The following ATAD2 variants were observed in gnomAD, a reference collection of about 807,000 sequenced individuals.
The protein encoded by ATAD2 is ATPase family AAA domain-containing protein 2.
In ATAD2, 62 loss-of-function variants were observed where a neutral mutation model predicts 168.9. That is an observed-to-expected ratio of 0.37 (90% CI 0.30 to 0.45). ATAD2 has a LOEUF of 0.45. Ranked by LOEUF, ATAD2 falls within the 20% of genes least tolerant of loss-of-function variation. The pLI is 1.00. For synonymous variants in ATAD2, 613 were observed against 571.6 expected, an observed-to-expected ratio of 1.07 and a Z score of -1.03; for missense variants, 1,419 against 1,667.8, an observed-to-expected ratio of 0.85 and a Z score of 2.60.
chr8:123,333,065 A>C (rs2131291859), intron 24 of ATAD2, among the ~76,000 whole-genome samples: 1 of 151,762 alleles, frequency 6.6e-6, no homozygotes, highest in East Asian at 1.9e-4. Context: ...GCTAACCCTA[A>C]CCTTAACACA....
intron 1 of ATAD2, among the ~76,000 whole-genome samples, chr8:123,387,471 G>A (rs994164870): frequency 5.9e-5 from 9 of 152,052 alleles, no homozygotes; most frequent in Non-Finnish European, 1.3e-4. Flanking sequence ...TGACAGAGAT[G>A]GGGACTTTCA....
At chr8:123,365,179 T>C (rs189444976) in intron 8 of ATAD2, among the ~76,000 whole-genome samples, 14 of 152,120 alleles carry the variant, frequency 9.2e-5, no homozygotes, top group Admixed American at 5.9e-4. Flanking sequence ...CCTTTTACAA[T>C]AGCTGCAAAA....
intron 25 of ATAD2, among the ~76,000 whole-genome samples, chr8:123,327,880 T>C (rs1385218246): frequency 6.6e-6 from 1 of 152,168 alleles, no homozygotes; most frequent in Non-Finnish European, 1.5e-5. Flanking sequence ...AAATGCCTCA[T>C]TACCAAGCAA....
chr8:123,391,837 G>A (rs534475249), intron 1 of ATAD2, among the ~76,000 whole-genome samples: 44 of 152,246 alleles, frequency 2.9e-4, no homozygotes, highest in Admixed American at 1.6e-3. Context: ...AAAGACCACC[G>A]ATTTATTTTA....
chr8:123,353,906 G>T lies in ATAD2; in HGVS notation c.1646+2483C>A, dbSNP rs1417422412. ...CCAGTACTTTGGAAGGCTGAGGCAG[G>T]TGGATCACCTGAGATCAGGAGTTCG... is the stretch of plus-strand genomic sequence containing the variant. On this transcript the variant is annotated intron_variant, in intron 13 of 27. Coordinates refer to ENST00000287394, the MANE Select transcript of ATAD2 (RefSeq NM_014109.4). Among the ~76,000 whole-genome samples the T allele has an allele frequency of 3.3e-5, 5 of 152,324 alleles. No homozygotes were observed. The East Asian group carries it at 9.6e-4, about 29-fold the overall frequency.
chr8:123,408,914 G>A (rs759623473), intron 1 of ATAD2, among the ~76,000 whole-genome samples: 3 of 150,062 alleles, frequency 2.0e-5, no homozygotes, highest in African/African-American at 2.5e-5. Flanking sequence ...TGCAACCTCC[G>A]CCTCCCAAGT....
chr8:123,401,717 G>T, intron 1 of ATAD2: 2 of 747,648 alleles, frequency 2.7e-6, no homozygotes, highest in Non-Finnish European at 4.9e-6. Flanking sequence ...TGCCTCCATA[G>T]TGATGATGGG....
At chr8:123,333,810 A>G (rs1304803350) in intron 24 of ATAD2, 68 bp downstream of exon 24, 11 of 1,455,312 alleles carry the variant, frequency 7.6e-6, no homozygotes, top group Admixed American at 4.6e-5. Flanking sequence ...AAAATAAGGG[A>G]GAAAGTTAAT....
chr8:123,337,850 T>C (rs772378794), intron 20 of ATAD2, 29 bp from the exon 21 acceptor site: 1 of 1,558,882 alleles, frequency 6.4e-7, no homozygotes, highest in Non-Finnish European at 8.7e-7. Flanking sequence ...ATTTAGTTAC[T>C]GCTCCTCCAT....
At chr8:123,370,873 CCAG>C (rs1829130432) in intron 6 of ATAD2, 27 bp downstream of exon 6, 1 of 1,514,018 alleles carries the variant, frequency 6.6e-7, no homozygotes, top group African/African-American at 1.4e-5. Context: ...AAATTCAATC[CCAG>C]AAGACAGAAC....
chr8:123,402,142 C>T lies in ATAD2; in HGVS notation c.-2281-967G>A. Reference sequence around the variant, plus strand: ...GGAGGCCGAGGTGGTGGAGGGGGCACCCCCCAGTGTCCACCTTCGGGCATA... The same window carrying T: ...GGAGGCCGAGGTGGTGGAGGGGGCATCCCCCAGTGTCCACCTTCGGGCATA... On this transcript the variant is annotated intron_variant, in intron 1 of 28. Coordinates refer to the ATAD2 transcript ENST00000521903. This position sits in a 1 kb window ranked among gnomAD's most constrained non-coding sequence, Gnocchi z 4.8. The T allele has an allele frequency of 2.6e-6, 2 of 757,740 alleles. No homozygotes were observed. The highest frequency in any genetic ancestry group is 1.5e-5 in the South Asian group (1 of 68,480). 46.9% of individuals were successfully genotyped at this position (757,740 alleles called of 1,614,324 possible).
At chr8:123,323,162 C>A in intron 26 of ATAD2, 96 bp from the exon 27 acceptor site, 8 of 1,348,522 alleles carry the variant, frequency 5.9e-6, no homozygotes, top group Non-Finnish European at 8.0e-6. Flanking sequence ...ACAAGCCTGA[C>A]AGAGGGTAGA....
At position 123,347,235 on chromosome 8, in the gene ATAD2, G is replaced by C; in HGVS notation, c.2069C>G (p.Ser690Cys). 1 of 1,614,120 alleles carries C rather than the reference G, an allele frequency of 6.2e-7. No homozygotes were observed. Among genetic ancestry groups the C allele is most frequent in the Admixed American group, 1.7e-5 (1 of 60,004 alleles). The stretch of plus-strand genomic sequence containing the variant: ...CCCAGGTGATGTCACAGCTCTTTGG[G>C]AGGCTGGTATCATCTTTTGCATAGC... ...EVAMQKMIPASQRAVTSPGQA... is the reference protein window; with the variant it reads ...EVAMQKMIPACQRAVTSPGQA... Residue 690 changes from serine to cysteine, a missense_variant, in exon 16 of 28, where the codon TCC (serine) becomes TGC (cysteine). By Grantham distance (112) the Ser-to-Cys change is moderately radical (BLOSUM62 -1). This residue lies in a region of ATAD2 where 545 missense variants were observed against 724.9 expected (regional missense o/e 0.75). Coordinates refer to ENST00000287394, the MANE Select transcript of ATAD2 (RefSeq NM_014109.4).
intron 24 of ATAD2, among the ~76,000 whole-genome samples, chr8:123,330,512 G>A (rs1399437691): frequency 6.6e-6 from 1 of 151,978 alleles, no homozygotes; most frequent in Non-Finnish European, 1.5e-5. Flanking sequence ...TACAGGTGCC[G>A]CCACCGTGCC....
intron 1 of ATAD2, among the ~76,000 whole-genome samples, chr8:123,395,575 A>G (rs1166998947): frequency 6.6e-6 from 1 of 152,228 alleles, no homozygotes; most frequent in Admixed American, 6.5e-5. Context: ...TCAAAGAGAT[A>G]GCACAACTAC....
At position 123,325,878 on chromosome 8, in the gene ATAD2, T is replaced by A; in HGVS notation, c.4002+15A>T. 1 of 1,613,260 alleles carries A rather than the reference T, an allele frequency of 6.2e-7. No individual in the cohort carries two copies. Among genetic ancestry groups the A allele is most frequent in the Non-Finnish European group, 8.5e-7 (1 of 1,179,494 alleles). On this transcript the variant is annotated intron_variant, in intron 26 of 27. Coordinates refer to ENST00000287394, the MANE Select transcript of ATAD2 (RefSeq NM_014109.4). ...AATCTGCAGAGTAAAAGCATTATGA[T>A]TTCAATTTACATACTTTTAATCGCT...
rs1302382892 is a variant in ATAD2, at chr8:123,320,932, G to T, written c.*202C>A. 3.8e-6 allele frequency: 2 copies of T among 528,642 alleles called. No individual in the cohort carries two copies. Among genetic ancestry groups the T allele is most frequent in the Non-Finnish European group, 6.5e-6 (2 of 309,288 alleles). The allele number at this position is 528,642 out of a possible 1,614,324, so 32.7% of individuals were successfully genotyped here. The stretch of plus-strand genomic sequence containing the variant: ...TACTACAGGGTCTTGTTCTAGCAAA[G>T]TTCCAATATTTATCAGTTATCTTAC... On this transcript the variant is annotated 3_prime_UTR_variant, in exon 28 of 28. Coordinates refer to ENST00000287394, the MANE Select transcript of ATAD2 (RefSeq NM_014109.4).
chr8:123,351,873 G>A (rs1586875065), intron 13 of ATAD2, among the ~76,000 whole-genome samples: 1 of 150,928 alleles, frequency 6.6e-6, no homozygotes, highest in African/African-American at 2.4e-5. Flanking sequence ...TCCACCTCCC[G>A]AGTAGCTGGG....
rs1438232704 is a variant in ATAD2, at chr8:123,379,886, TA to T, written c.320+642del. On this transcript the variant is annotated intron_variant, in intron 2 of 27. Transcript: ENST00000287394. Reference sequence around the variant, plus strand: ...CCCGGCCACGTATTATTATTATTATTATTATTTTTTTTTTTTTGAGACTGAG... The same window carrying T: ...CCCGGCCACGTATTATTATTATTATTTTATTTTTTTTTTTTTGAGACTGAG... Among the ~76,000 whole-genome samples, 298 of 136,066 alleles carry T rather than the reference TA, an allele frequency of 2.2e-3. 1 individual carries two copies. Among genetic ancestry groups the T allele is most frequent in the African/African-American group, 5.6e-3 (218 of 38,588 alleles). The allele number at this position is 136,066 out of a possible 152,430, so 89.3% of individuals were successfully genotyped here.
Sources: gnomAD v4.1 joint callset for allele counts (sites outside exome capture counted in the v4.1 genomes callset) on GRCh38, gnomAD v4.1.1 for gene constraint, gnomAD v4.1.1 regional missense constraint, Gnocchi (gnomAD v3.1) non-coding constraint, MANE v1.5 for transcripts, NCBI Gene and HGNC (gene_info 2026-07-23, HGNC 2026-07-21) for gene names.